The following TDRD9 variants were observed in gnomAD, a reference collection of about 807,000 sequenced individuals.
TDRD9 encodes the protein tudor domain containing 9, also known as ATP-dependent RNA helicase TDRD9.
Under a neutral mutation model 172.6 loss-of-function variants are expected in TDRD9, and 124 were observed. That is an observed-to-expected ratio of 0.72 (90% confidence interval 0.62 to 0.83). The LOEUF (loss-of-function observed/expected upper bound fraction) is 0.83, where lower values mean the gene tolerates loss of function less well. Ranked by LOEUF, TDRD9 falls within the 40% of genes least tolerant of loss-of-function variation. TDRD9 has a pLI of 0.00. For missense variants in TDRD9, 1,479 were observed against 1,714.1 expected (o/e 0.86, Z 2.42); for synonymous variants, 619 against 617.1 (o/e 1.00, Z -0.05).
intron 30 of TDRD9, among the ~76,000 whole-genome samples, chr14:104,032,570 A>T (rs1205096168): frequency 6.6e-6 from 1 of 152,168 alleles, no homozygotes; most frequent in Non-Finnish European, 1.5e-5. Context: ...TCTCTCTCTC[A>T]CACACGTGAA....
intron 20 of TDRD9, among the ~76,000 whole-genome samples, chr14:104,012,395 G>A (rs1360172974): frequency 6.6e-6 from 1 of 152,212 alleles, no homozygotes; most frequent in Non-Finnish European, 1.5e-5. Context: ...TGCAGAGTCT[G>A]CAAGATGCTT....
intron 2 of TDRD9, among the ~76,000 whole-genome samples, chr14:103,959,487 T>C (rs2032402296): frequency 7.9e-6 from 1 of 126,526 alleles, no homozygotes; most frequent in Non-Finnish European, 1.7e-5. Flanking sequence ...TGTGTATGTA[T>C]ACATACACAC....
intron 15 of TDRD9, 37 bp from the exon 16 acceptor site, chr14:104,006,352 C>T (rs370182714): frequency 6.3e-7 from 1 of 1,576,682 alleles, no homozygotes. Context: ...ATGAGTAAGT[C>T]AGTGCTTGAT....
chr14:103,941,694 A>AT (rs1189167268), intron 1 of TDRD9: 1 of 1,501,778 alleles, frequency 6.7e-7, no homozygotes, highest in Admixed American at 2.3e-5. Context: ...AAAAAGTGGC[A>AT]TTTTTAGCCT....
intron 32 of TDRD9, among the ~76,000 whole-genome samples, chr14:104,038,632 G>A (rs2035522830): frequency 6.6e-6 from 1 of 152,156 alleles, no homozygotes; most frequent in African/African-American, 2.4e-5. Flanking sequence ...ATGGTGGGTT[G>A]GTGCTGAGGG....
intron 1 of TDRD9, among the ~76,000 whole-genome samples, chr14:103,946,110 C>T (rs752109987): frequency 2.6e-5 from 4 of 152,032 alleles, no homozygotes; most frequent in Non-Finnish European, 5.9e-5. Context: ...GGACTATAGG[C>T]ACGTGCCACC....
At chr14:103,951,959 G>A (rs2031896296) in intron 1 of TDRD9, among the ~76,000 whole-genome samples, 1 of 150,518 alleles carries the variant, frequency 6.6e-6, no homozygotes, top group South Asian at 2.1e-4. Flanking sequence ...TAGTAGAGAC[G>A]GGGTTTCACC....
chr14:104,035,087 G>A, intron 32 of TDRD9, 31 bp downstream of exon 32: 1 of 1,528,482 alleles, frequency 6.5e-7, no homozygotes. Context: ...TATAGGCTTT[G>A]TAAAATAAGA....
At chr14:104,050,027 T>C (rs779815327) in intron 35 of TDRD9, 4 of 216,920 alleles carry the variant, frequency 1.8e-5, no homozygotes, top group African/African-American at 2.3e-5. Context: ...GCTTGGTGGC[T>C]TTCGGGCTGT....
rs148403229 is a variant in TDRD9 at position 103,992,645 on chromosome 14, C to T, written c.1180+1421C>T. Among the ~76,000 whole-genome samples, 113 of 152,124 alleles carry T rather than the reference C, an allele frequency of 7.4e-4. 1 individual carries two copies. The highest frequency in any genetic ancestry group is 3.4e-3 in the Middle Eastern group (1 of 294). Reference sequence around the variant, plus strand: ...GAGGCTTAAGAACACCTAACACGGACGGGCGTGGGGGCTCATGCCTGGAAT... The same window carrying T: ...GAGGCTTAAGAACACCTAACACGGATGGGCGTGGGGGCTCATGCCTGGAAT... On this transcript the variant is annotated intron_variant, in intron 9 of 35. Transcript: ENST00000409874.
chr14:104,040,982 G>T (rs1477830542), intron 33 of TDRD9, among the ~76,000 whole-genome samples: 2 of 152,188 alleles, frequency 1.3e-5, no homozygotes, highest in Non-Finnish European at 2.9e-5. Context: ...TTTACAAAGT[G>T]GGAAGACCAA....
chr14:103,947,301 G>T (rs542174949), intron 1 of TDRD9, among the ~76,000 whole-genome samples: 31 of 151,606 alleles, frequency 2.0e-4, no homozygotes, highest in African/African-American at 6.8e-4. Flanking sequence ...TTTTTTGTTT[G>T]TTTGTTTGTT....
At position 104,014,724 on chromosome 14, in the gene TDRD9, G is replaced by C; in HGVS notation, c.2107-1G>C. 1.3e-6 allele frequency: 2 copies of C among 1,571,954 alleles called. No homozygotes were observed. Among genetic ancestry groups the C allele is most frequent in the Non-Finnish European group, 8.7e-7 (1 of 1,144,038 alleles). The stretch of plus-strand genomic sequence containing the variant: ...ATCAGATTTCAATGTATTTTTCTTA[G>C]GTGGCTGAATTATATGAAGAATTGA... On this transcript the variant is annotated splice_acceptor_variant, in intron 20 of 35. Coordinates refer to ENST00000409874, the MANE Select transcript of TDRD9 (RefSeq NM_153046.3). LOFTEE classifies it high-confidence loss of function.
intron 11 of TDRD9, among the ~76,000 whole-genome samples, chr14:103,995,343 C>T: frequency 6.7e-6 from 1 of 149,388 alleles, no homozygotes; most frequent in East Asian, 1.9e-4. Context: ...ACAACGTCGC[C>T]CCCCTTGATT....
At chr14:103,982,483 G>A (rs747629818) in intron 7 of TDRD9, among the ~76,000 whole-genome samples, 4 of 152,150 alleles carry the variant, frequency 2.6e-5, no homozygotes, top group African/African-American at 4.8e-5. Flanking sequence ...TGGCCACTTC[G>A]ATTCTTGAAA....
At chr14:103,941,727 A>AT (rs1273018625) in intron 1 of TDRD9, 6 of 1,427,384 alleles carry the variant, frequency 4.2e-6, no homozygotes, top group Admixed American at 2.7e-5. Flanking sequence ...TCACTTGTTT[A>AT]TTTGCTCAAA....
At chr14:103,962,965 AGTGTGTGTGTGT>A in intron 2 of TDRD9, 102 bp from the exon 3 acceptor site, 1 of 403,882 alleles carries the variant, frequency 2.5e-6, no homozygotes, top group Non-Finnish European at 4.4e-6. Flanking sequence ...TTTGTATTTG[AGTGTGTGTGTGT>A]GTGTGTGTGT....
intron 7 of TDRD9, among the ~76,000 whole-genome samples, chr14:103,977,353 C>T (rs2033285853): frequency 2.0e-5 from 3 of 151,786 alleles, no homozygotes; most frequent in South Asian, 4.2e-4. Flanking sequence ...ATTAGCCGGG[C>T]GTGGCGGCAG....
chr14:103,962,631 C>T (rs1162974780), intron 2 of TDRD9, among the ~76,000 whole-genome samples: 2 of 152,040 alleles, frequency 1.3e-5, no homozygotes, highest in Non-Finnish European at 1.5e-5. Flanking sequence ...AGCCCTTGCC[C>T]CTCCCTCCCT....
Sources: allele counts gnomAD v4.1 joint callset (sites outside exome capture counted in the v4.1 genomes callset), GRCh38; gene constraint gnomAD v4.1.1; transcripts MANE v1.5; gene names NCBI Gene and HGNC (gene_info 2026-07-23, HGNC 2026-07-21).